Variants in DOP1B observed in about 807,000 individuals in gnomAD.
DOP1B encodes protein DOP1B.
DOP1B carries 174 observed loss-of-function variants against 233.5 expected under a neutral mutation model. The ratio of observed to expected loss-of-function variants is 0.75; its 90% CI spans 0.66 to 0.85. The LOEUF is 0.85. DOP1B is among the 40% of genes least tolerant of loss of function. DOP1B has a pLI of 0.00. For synonymous variants in DOP1B, 1,190 were observed against 1,185.6 expected, an observed-to-expected ratio of 1.00 and a Z score of -0.08; for missense variants, 2,652 against 2,846.6, an observed-to-expected ratio of 0.93 and a Z score of 1.56.
chr21:36,189,040 T>A (rs570293627), intron 2 of DOP1B, among the ~76,000 whole-genome samples: 24 of 152,314 alleles, frequency 1.6e-4, no homozygotes, highest in African/African-American at 5.1e-4. Flanking sequence ...TGTGTCCATG[T>A]GTAGCCTTTT....
At chr21:36,170,006 C>A in intron 2 of DOP1B, 1 of 750,550 alleles carries the variant, frequency 1.3e-6, no homozygotes, top group Non-Finnish European at 2.5e-6. Context: ...CTGTCGACTT[C>A]CCGTGTGATG....
chr21:36,195,068 T>C (rs1684819020), intron 2 of DOP1B, among the ~76,000 whole-genome samples: 1 of 151,682 alleles, frequency 6.6e-6, no homozygotes, highest in African/African-American at 2.4e-5. Flanking sequence ...ATGCTGGGCA[T>C]GATGGCTCAT....
At chr21:36,268,600 G>A (rs927477145) in intron 26 of DOP1B, among the ~76,000 whole-genome samples, 1 of 152,198 alleles carries the variant, frequency 6.6e-6, no homozygotes, top group Non-Finnish European at 1.5e-5. Flanking sequence ...TATTATTTGG[G>A]AACTGATAAA....
At chr21:36,167,322 G>T (rs1303990143) in intron 2 of DOP1B, among the ~76,000 whole-genome samples, 2 of 152,016 alleles carry the variant, frequency 1.3e-5, no homozygotes, top group Non-Finnish European at 2.9e-5. Context: ...AGAGGTGCCC[G>T]CCACCAGGCC....
chr21:36,219,598 GAGA>G (rs2066602392), intron 10 of DOP1B, 106 bp downstream of exon 10: 2 of 1,483,364 alleles, frequency 1.3e-6, no homozygotes, highest in Admixed American at 4.1e-5. Context: ...AGAGAAAGCA[GAGA>G]TGCAGCAGGT....
In DOP1B at chr21:36,219,545, A is replaced by AT. The variant is rs147593293; in HGVS notation, c.1250+63dup. ...ATCTCTCTCCCTCCCCGGTACTGTG[A>AT]TTTTTTTTTTCCTCTCTTGCTTACT... is the stretch of plus-strand genomic sequence containing the variant. On this transcript the variant is annotated intron_variant, in intron 10 of 36. Transcript: ENST00000691173. 5,633 of 1,510,722 alleles carry AT rather than the reference A, an allele frequency of 3.7e-3. 8 individuals are homozygous for AT. Among genetic ancestry groups the AT allele is most frequent in the Middle Eastern group, 4.9e-3 (28 of 5,658 alleles). 93.6% of individuals were successfully genotyped at this position (1,510,722 alleles called of 1,614,324 possible).
chr21:36,279,509 T>A (rs189652499), intron 30 of DOP1B, among the ~76,000 whole-genome samples: 3 of 152,310 alleles, frequency 2.0e-5, no homozygotes, highest in African/African-American at 4.8e-5. Context: ...TTGGGAACCC[T>A]TTTTGTATGG....
At chr21:36,258,579 G>T (rs550907533) in intron 23 of DOP1B, among the ~76,000 whole-genome samples, 2 of 152,152 alleles carry the variant, frequency 1.3e-5, no homozygotes, top group East Asian at 3.9e-4. Flanking sequence ...CATATGACAC[G>T]GGGCAGCCCC....
At chr21:36,166,436 CAA>C (rs34206711) in intron 2 of DOP1B, among the ~76,000 whole-genome samples, 1 of 141,522 alleles carries the variant, frequency 7.1e-6, no homozygotes, top group Non-Finnish European at 1.5e-5. Context: ...GACTCCGTCT[CAA>C]AAAAAAAAAA....
intron 2 of DOP1B, among the ~76,000 whole-genome samples, chr21:36,179,947 G>T (rs2066077201): frequency 6.6e-6 from 1 of 152,140 alleles, no homozygotes; most frequent in African/African-American, 2.4e-5. Context: ...TGGACACAGG[G>T]GTATGTGCTG....
intron 1 of DOP1B, among the ~76,000 whole-genome samples, chr21:36,159,973 C>T (rs895281319): frequency 3.3e-5 from 5 of 152,116 alleles, no homozygotes; most frequent in African/African-American, 1.2e-4. Context: ...TAGGTACTTC[C>T]ACTTTTATTA....
At chr21:36,209,220 C>G (rs550244095) in intron 5 of DOP1B, among the ~76,000 whole-genome samples, 1 of 152,314 alleles carries the variant, frequency 6.6e-6, no homozygotes, top group African/African-American at 2.4e-5. Context: ...CTCCCGGGTT[C>G]AAGCAATTCT....
intron 18 of DOP1B, among the ~76,000 whole-genome samples, chr21:36,244,673 G>A (rs1312083063): frequency 6.6e-6 from 1 of 152,102 alleles, no homozygotes; most frequent in Non-Finnish European, 1.5e-5. Context: ...TGATCTACCT[G>A]CCTTGGCCTC....
intron 24 of DOP1B, 151 bp from the exon 25 acceptor site, chr21:36,263,395 T>A (rs541816420): frequency 1.3e-4 from 85 of 662,220 alleles, no homozygotes; most frequent in Non-Finnish European, 1.9e-4. Context: ...GTTTAGCTCA[T>A]GTACATTGTA....
chr21:36,281,234 C>T (rs1294782225), intron 31 of DOP1B, among the ~76,000 whole-genome samples: 3 of 152,016 alleles, frequency 2.0e-5, no homozygotes, highest in African/African-American at 7.2e-5. Flanking sequence ...AGGTCGAGGC[C>T]GCAGTGAGCT....
In DOP1B at chr21:36,246,739, G is replaced by T; in HGVS notation, c.4697+62G>T. 3.2e-6 allele frequency: 5 copies of T among 1,542,318 alleles called. No homozygotes were observed. The highest frequency in any genetic ancestry group is 4.4e-6 in the Non-Finnish European group (5 of 1,140,406). On this transcript the variant is annotated intron_variant, in intron 19 of 36. Transcript: ENST00000691173. The surrounding 1 kb of genome is among the most constrained non-coding windows in gnomAD (Gnocchi z 5.1). ...GTGATGGTTTTTATAACGAATGACT[G>T]TTTTGCCACGGATGTGGATGTCGGT...
At position 36,208,945 on chromosome 21, in the gene DOP1B, C is replaced by T. The variant is rs768834396; in HGVS notation, c.681+41C>T. On this transcript the variant is annotated intron_variant, in intron 5 of 36. Coordinates refer to ENST00000691173, the MANE Select transcript of DOP1B (RefSeq NM_001320714.2). ...CTCACAGGGCATGGGGAGGAGGCGACATGTGGGCACAGCATCCTCATGGGC... is the reference window on the plus strand; with the variant it reads ...CTCACAGGGCATGGGGAGGAGGCGATATGTGGGCACAGCATCCTCATGGGC... The T allele has an allele frequency of 6.8e-6, 10 of 1,463,412 alleles. No homozygotes were observed. In the South Asian group the frequency reaches 1.4e-4, roughly 21 times the overall value. The allele number at this position is 1,463,412 out of a possible 1,614,324, so 90.7% of individuals were successfully genotyped here.
At chr21:36,221,052 C>T (rs536408732) in intron 10 of DOP1B, among the ~76,000 whole-genome samples, 2 of 152,200 alleles carry the variant, frequency 1.3e-5, no homozygotes, top group African/African-American at 4.8e-5. Context: ...CTCAAGCAGT[C>T]CTCCTGCCTC....
intron 23 of DOP1B, among the ~76,000 whole-genome samples, chr21:36,259,470 G>GAAA (rs1330953810): frequency 6.6e-6 from 1 of 151,456 alleles, no homozygotes; most frequent in Non-Finnish European, 1.5e-5. Context: ...ATGGGGTTTT[G>GAAA]CCATGTTGGC....
Sources: gnomAD v4.1 joint callset for allele counts (sites outside exome capture counted in the v4.1 genomes callset) on GRCh38, gnomAD v4.1.1 for gene constraint, Gnocchi (gnomAD v3.1) non-coding constraint, MANE v1.5 for transcripts, NCBI Gene and HGNC (gene_info 2026-07-23, HGNC 2026-07-21) for gene names.